CACNA1C: variants seen among roughly 807,000 people sequenced by gnomAD.
CACNA1C encodes the protein voltage-dependent L-type calcium channel subunit alpha-1C.
Under a neutral mutation model 229.0 loss-of-function variants are expected in CACNA1C, and 30 were observed. The ratio of observed to expected loss-of-function variants is 0.13; its 90% CI spans 0.10 to 0.18. The LOEUF (loss-of-function observed/expected upper bound fraction) is 0.18. Among genes scored for constraint, CACNA1C ranks in the 10% least tolerant of loss-of-function variants. The pLI, the probability that CACNA1C is intolerant of heterozygous loss-of-function variation, is 1.00. For synonymous variants in CACNA1C, 1,114 were observed against 1,132.5 expected, an observed-to-expected ratio of 0.98 and a Z score of 0.33; for missense variants, 1,658 against 2,845.0, an observed-to-expected ratio of 0.58 and a Z score of 9.49.
intron 3 of CACNA1C, among the ~76,000 whole-genome samples, chr12:2,122,109 G>A (rs575835812): frequency 3.9e-5 from 6 of 152,284 alleles, no homozygotes; most frequent in East Asian, 1.9e-4. Flanking sequence ...AGAGGGGCTC[G>A]TAGGAGAGGA....
chr12:2,042,634 T>G (rs1181335141), intron 1 of CACNA1C, among the ~76,000 whole-genome samples: 1 of 152,212 alleles, frequency 6.6e-6, no homozygotes, highest in Non-Finnish European at 1.5e-5. Context: ...CCTGGAAGGA[T>G]GCAGGGTGAA....
intron 3 of CACNA1C, among the ~76,000 whole-genome samples, chr12:2,300,452 C>T (rs1438910167): frequency 2.0e-5 from 3 of 151,728 alleles, no homozygotes; most frequent in East Asian, 3.9e-4. Flanking sequence ...GAAATCCTGT[C>T]TCTACTAAAA....
intron 29 of CACNA1C, among the ~76,000 whole-genome samples, chr12:2,620,456 G>A (rs1255188463): frequency 6.6e-6 from 1 of 152,158 alleles, no homozygotes; most frequent in East Asian, 1.9e-4. Context: ...TAAGATCCGA[G>A]ACAGAAAGAA....
At position 2,504,394 on chromosome 12, in the gene CACNA1C, C is replaced by A; in HGVS notation, c.1114-448C>A. 1 of 1,181,204 alleles carries A rather than the reference C, an allele frequency of 8.5e-7. No homozygotes were observed. The highest frequency in any genetic ancestry group is 1.3e-6 in the Non-Finnish European group (1 of 785,916). 73.2% of individuals were successfully genotyped at this position (1,181,204 alleles called of 1,614,324 possible). ...TGCTGCCTGCCTCTTTGCTGTAACC[C>A]AATTCTGCTTCTTCTTTCCTAACTT... On this transcript the variant is annotated intron_variant, in intron 7 of 46. Transcript: ENST00000399655. This position sits in a 1 kb window ranked among gnomAD's most constrained non-coding sequence, Gnocchi z 6.8.
chr12:2,263,698 A>G (rs879341020), intron 3 of CACNA1C, among the ~76,000 whole-genome samples: 1 of 152,042 alleles, frequency 6.6e-6, no homozygotes, highest in South Asian at 2.1e-4. Context: ...CAGACCGGAC[A>G]TGAGGTATGA....
intron 3 of CACNA1C, among the ~76,000 whole-genome samples, chr12:2,438,017 TATG>T (rs1291455459): frequency 1.5e-5 from 2 of 133,366 alleles, no homozygotes; most frequent in Non-Finnish European, 3.2e-5. Context: ...ATGGTAGCGG[TATG>T]ATGGTAGTGG....
At chr12:2,567,506 C>A in intron 12 of CACNA1C, 63 bp from the exon 13 acceptor site, 1 of 983,174 alleles carries the variant, frequency 1.0e-6, no homozygotes, top group Non-Finnish European at 1.5e-6. Context: ...ATTTCCTTTC[C>A]CTGCCTCCCT....
At chr12:2,508,814 A>T (rs1357445628) in intron 8 of CACNA1C, among the ~76,000 whole-genome samples, 3 of 152,202 alleles carry the variant, frequency 2.0e-5, no homozygotes, top group Non-Finnish European at 4.4e-5. Flanking sequence ...ATTTTTTCAA[A>T]ATACTTTATT....
intron 3 of CACNA1C, among the ~76,000 whole-genome samples, chr12:2,166,377 C>T (rs2096232432): frequency 6.6e-6 from 1 of 152,210 alleles, no homozygotes; most frequent in Non-Finnish European, 1.5e-5. Context: ...GTTAACTTTA[C>T]ATTGGCTGAT....
At chr12:2,169,366 G>A (rs545286253) in intron 3 of CACNA1C, among the ~76,000 whole-genome samples, 2 of 152,102 alleles carry the variant, frequency 1.3e-5, no homozygotes, top group Admixed American at 6.5e-5. Flanking sequence ...AATCTGAAAC[G>A]TGTGAGTACA....
rs1396189874 is a variant in CACNA1C, at chr12:2,651,903, G to T, written c.4074+135G>T. The T allele has an allele frequency of 7.2e-6, 5 of 697,892 alleles. No individual in the cohort carries two copies. The highest frequency in any genetic ancestry group is 1.2e-5 in the Non-Finnish European group (5 of 433,682). The allele number at this position is 697,892 out of a possible 1,614,324, so 43.2% of individuals were successfully genotyped here. A position where few individuals can be genotyped will look rare whatever the true frequency, so the allele number is the denominator to read the frequency against. On this transcript the variant is annotated intron_variant, in intron 32 of 46. Coordinates refer to ENST00000399655, the MANE Select transcript of CACNA1C (RefSeq NM_000719.7). The surrounding 1 kb of genome is among the most constrained non-coding windows in gnomAD (Gnocchi z 5.4). ...CTGTGTGGCAGAACTCGGCCGCTCT[G>T]CCTGGCTCCCTGTTTCCGCACCGAG...
chr12:2,004,679 C>A (rs552024776), intron 1 of CACNA1C: 1 of 521,970 alleles, frequency 1.9e-6, no homozygotes, highest in Non-Finnish European at 3.4e-6. Context: ...CTCTGCATCC[C>A]GTTTCTTTCT....
At chr12:2,610,409 T>C (rs1425836823) in intron 27 of CACNA1C, 132 bp from the exon 28 acceptor site, 1 of 881,098 alleles carries the variant, frequency 1.1e-6, no homozygotes, top group Admixed American at 2.6e-5. Context: ...GAGCGGCCAA[T>C]GATTTCTCAG....
chr12:2,316,581 G>A (rs576046165), intron 3 of CACNA1C, among the ~76,000 whole-genome samples: 11 of 152,272 alleles, frequency 7.2e-5, no homozygotes, highest in Non-Finnish European at 1.3e-4. Context: ...CCTGTATACC[G>A]TGCCAGGCTT....
rs1182188469 is a variant in CACNA1C at position 2,677,621 on chromosome 12, G to C, written c.4957-112G>C. 5 of 1,234,490 alleles carry C rather than the reference G, an allele frequency of 4.1e-6. No homozygotes were observed. The highest frequency in any genetic ancestry group is 2.5e-5 in the East Asian group (1 of 39,230). The allele number at this position is 1,234,490 out of a possible 1,614,324, so 76.5% of individuals were successfully genotyped here. ...AACCTTCCGGAGGGTCGACTGGCTG[G>C]GTGGAGGATGCCAGGGCCCTGGAGG... On this transcript the variant is annotated intron_variant, in intron 40 of 46. Transcript: ENST00000399655. This position sits in a 1 kb window ranked among gnomAD's most constrained non-coding sequence, Gnocchi z 7.4.
At chr12:2,035,130 C>T (rs1438922492) in intron 1 of CACNA1C, among the ~76,000 whole-genome samples, 2 of 152,298 alleles carry the variant, frequency 1.3e-5, no homozygotes, top group East Asian at 1.9e-4. Flanking sequence ...CGTGGCCTCC[C>T]CTGCGCCGGC....
chr12:2,232,085 T>C (rs942159889), intron 3 of CACNA1C, among the ~76,000 whole-genome samples: 3 of 152,302 alleles, frequency 2.0e-5, no homozygotes, highest in Admixed American at 1.3e-4. Context: ...TTTAACAAAC[T>C]TCAGACTTCA....
intron 3 of CACNA1C, among the ~76,000 whole-genome samples, chr12:2,156,016 A>G (rs1273911367): frequency 6.6e-6 from 1 of 152,208 alleles, no homozygotes; most frequent in African/African-American, 2.4e-5. Flanking sequence ...TGCAGCTTAG[A>G]CACAAGAACA....
At chr12:2,667,332 T>TGGCCAC (rs1569149779) in intron 37 of CACNA1C, among the ~76,000 whole-genome samples, 1 of 152,032 alleles carries the variant, frequency 6.6e-6, no homozygotes, top group African/African-American at 2.4e-5. Flanking sequence ...GTGCTCCTTG[T>TGGCCAC]TGGGGCAATA....
Sources: gnomAD v4.1 joint callset for allele counts (sites outside exome capture counted in the v4.1 genomes callset) on GRCh38, gnomAD v4.1.1 for gene constraint, Gnocchi (gnomAD v3.1) non-coding constraint, MANE v1.5 for transcripts, NCBI Gene and HGNC (gene_info 2026-07-23, HGNC 2026-07-21) for gene names.